The following C1D variants were observed in gnomAD, a reference collection of about 807,000 sequenced individuals.
C1D encodes the protein C1D nuclear receptor corepressor.
In C1D, 10 loss-of-function variants were observed where a neutral mutation model predicts 17.5. The ratio of observed to expected loss-of-function variants is 0.57; its 90% CI spans 0.35 to 0.97. The LOEUF (loss-of-function observed/expected upper bound fraction) is 0.97. C1D is among the 50% of genes least tolerant of loss of function. The pLI is 0.01. For synonymous variants in C1D, 49 were observed against 54.0 expected (o/e 0.91, Z 0.40); for missense variants, 136 against 160.1 (o/e 0.85, Z 0.81).
intron 2 of C1D, among the ~76,000 whole-genome samples, chr2:68,046,948 C>CT (rs11303751): frequency 8.6e-5 from 13 of 151,166 alleles, no homozygotes; most frequent in Non-Finnish European, 1.9e-4. Flanking sequence ...GTGAGTGCTC[C>CT]TTTTTTTTTC....
chr2:68,050,069 T>C (rs1652427361), intron 1 of C1D, among the ~76,000 whole-genome samples: 1 of 152,222 alleles, frequency 6.6e-6, no homozygotes, highest in Non-Finnish European at 1.5e-5. Flanking sequence ...GGGTATACAC[T>C]GAAAGTGGAA....
chr2:68,047,011 C>G (rs370999939), intron 2 of C1D, among the ~76,000 whole-genome samples, 162 bp downstream of exon 2: 62 of 151,998 alleles, frequency 4.1e-4, no homozygotes, highest in African/African-American at 1.4e-3. Flanking sequence ...CTGGAGTTTT[C>G]TTTTGTTTTG....
chr2:68,053,415 C>A, intron 1 of C1D: 3 of 469,970 alleles, frequency 6.4e-6, no homozygotes, highest in South Asian at 2.9e-5. Flanking sequence ...CAGGCAGAAA[C>A]CTGGGAGGCA....
chr2:68,044,249 C>G (rs1423311968), intron 4 of C1D, among the ~76,000 whole-genome samples: 1 of 152,232 alleles, frequency 6.6e-6, no homozygotes, highest in Non-Finnish European at 1.5e-5. Flanking sequence ...GCCACAAGGG[C>G]AGGGATCAGC....
intron 1 of C1D, among the ~76,000 whole-genome samples, chr2:68,051,683 G>C (rs1385556109): frequency 6.6e-6 from 1 of 151,554 alleles, no homozygotes; most frequent in African/African-American, 2.4e-5. Flanking sequence ...CCTCCCTTTG[G>C]GCTTCTCTCC....
At chr2:68,053,238 C>T (rs1671340079) in intron 1 of C1D, 2 of 1,538,406 alleles carry the variant, frequency 1.3e-6, no homozygotes, top group East Asian at 2.5e-5. Flanking sequence ...TGCGGGGATG[C>T]TGCCCAGTAA....
rs1489163326 is a variant in C1D at position 68,046,422 on chromosome 2, G to T, written c.139-12C>A. 1.3e-6 allele frequency: 2 copies of T among 1,589,140 alleles called. No homozygotes were observed. Among genetic ancestry groups the T allele is most frequent in the African/African-American group, 1.3e-5 (1 of 74,080 alleles). On this transcript the variant is annotated splice_polypyrimidine_tract_variant and intron_variant, in intron 2 of 4. Coordinates refer to ENST00000410067, the MANE Select transcript of C1D (RefSeq NM_173177.3). Reference sequence around the variant, plus strand: ...TCAAGTGGATCCAACTGTTAAAAAAGAAAGAGAGAGGGAAAGAGAGAAAGT... The same window carrying T: ...TCAAGTGGATCCAACTGTTAAAAAATAAAGAGAGAGGGAAAGAGAGAAAGT...
intron 1 of C1D, among the ~76,000 whole-genome samples, chr2:68,050,916 CA>C (rs1169823945): frequency 2.0e-5 from 3 of 152,216 alleles, no homozygotes; most frequent in African/African-American, 7.2e-5. Flanking sequence ...ACGGCAACTT[CA>C]ACTTTCCAAT....
chr2:68,046,706 C>A, intron 2 of C1D: 1 of 329,814 alleles, frequency 3.0e-6, no homozygotes, highest in South Asian at 5.8e-5. Context: ...TCGGGAGTTA[C>A]GATCTGGGCT....
At chr2:68,047,381 A>G (rs998681828) in intron 1 of C1D, 62 bp from the exon 2 acceptor site, 23 of 1,350,552 alleles carry the variant, frequency 1.7e-5, no homozygotes, top group Non-Finnish European at 2.0e-5. Context: ...TAGTTTCCAA[A>G]AAAAAAAATC....
Position 68,046,407 on chromosome 2 carries a change from C to A in C1D, c.142G>T (p.Asp48Tyr). The change falls in exon 3 of 5, where the codon GAT becomes TAT. Residue 48 changes from aspartate (D) to tyrosine (Y), a missense_variant. Coordinates refer to ENST00000410067, the MANE Select transcript of C1D (RefSeq NM_173177.3). Reference protein sequence around the residue: ...VSRNELLQKLDPLEQAKVDLV... With the variant: ...VSRNELLQKLYPLEQAKVDLV... ...TCCACTTTTGCTTGTTCAAGTGGAT[C>A]CAACTGTTAAAAAAGAAAGAGAGAG... 2 of 1,606,584 alleles carry A rather than the reference C, an allele frequency of 1.2e-6. No individual in the cohort carries two copies. The highest frequency in any genetic ancestry group is 8.5e-7 in the Non-Finnish European group (1 of 1,175,016).
intron 1 of C1D, among the ~76,000 whole-genome samples, chr2:68,056,428 T>C (rs766132994): frequency 3.9e-5 from 6 of 152,086 alleles, no homozygotes; most frequent in Non-Finnish European, 8.8e-5. Context: ...AAAAAAATCC[T>C]AATTTCTTGT....
At chr2:68,047,376 T>C in intron 1 of C1D, 57 bp from the exon 2 acceptor site, 1 of 1,400,016 alleles carries the variant, frequency 7.1e-7, no homozygotes. Flanking sequence ...TTCTTTAGTT[T>C]CCAAAAAAAA....
chr2:68,047,784 C>T (rs1395120629), intron 1 of C1D, among the ~76,000 whole-genome samples: 3 of 152,242 alleles, frequency 2.0e-5, no homozygotes, highest in South Asian at 4.2e-4. Context: ...GATGACCAAA[C>T]ATGAGATAGC....
In C1D at chr2:68,042,841, G is replaced by GGGA; in HGVS notation, c.*47_*48insTCC. 2.7e-6 allele frequency: 1 copy of GGGA among 368,400 alleles called. No homozygotes were observed. Among genetic ancestry groups the GGGA allele is most frequent in the Non-Finnish European group, 4.5e-6 (1 of 221,190 alleles). 22.8% of individuals were successfully genotyped at this position (368,400 alleles called of 1,614,324 possible). ...AGAATTATTTTGCGGGGGGGGGGGG[G>GGGA]GGGGGGAAGATGTACTTTTTGAATA... On this transcript the variant is annotated 3_prime_UTR_variant, in exon 5 of 5. Transcript: ENST00000410067.
At chr2:68,056,600 A>C (rs1671445776) in intron 1 of C1D, among the ~76,000 whole-genome samples, 1 of 152,176 alleles carries the variant, frequency 6.6e-6, no homozygotes, top group Non-Finnish European at 1.5e-5. Context: ...CACACAACCC[A>C]AAAGAAAAAT....
At chr2:68,044,664 C>G (rs1002331652) in intron 4 of C1D, among the ~76,000 whole-genome samples, 1 of 151,542 alleles carries the variant, frequency 6.6e-6, no homozygotes. Context: ...GCCAAGATCA[C>G]GACACTGCAC....
intron 4 of C1D, 84 bp downstream of exon 4, chr2:68,045,904 C>G: frequency 1.1e-6 from 1 of 915,044 alleles, no homozygotes; most frequent in Non-Finnish European, 1.7e-6. Context: ...TTCTGTTCTC[C>G]CTAATTTGTG....
At chr2:68,048,490 T>C (rs1261497682) in intron 1 of C1D, among the ~76,000 whole-genome samples, 1 of 152,172 alleles carries the variant, frequency 6.6e-6, no homozygotes, top group African/African-American at 2.4e-5. Flanking sequence ...GGTCTAATGA[T>C]CTGTAAAGTT....
Sources: allele counts gnomAD v4.1 joint callset (sites outside exome capture counted in the v4.1 genomes callset), GRCh38; gene constraint gnomAD v4.1.1; transcripts MANE v1.5; gene names NCBI Gene and HGNC (gene_info 2026-07-23, HGNC 2026-07-21).